ZBTB16: variants seen among roughly 807,000 people sequenced by gnomAD.
ZBTB16 encodes the protein zinc finger and BTB domain containing 16.
In ZBTB16, 8 loss-of-function variants were observed where a neutral mutation model predicts 56.8. The observed-to-expected ratio is 0.14, with a 90% CI of 0.08 to 0.25. The LOEUF (loss-of-function observed/expected upper bound fraction) is 0.25. Among genes scored for constraint, ZBTB16 ranks in the 10% least tolerant of loss-of-function variants. The pLI is 1.00. For synonymous variants in ZBTB16, 363 were observed against 368.5 expected, an observed-to-expected ratio of 0.98 and a Z score of 0.17; for missense variants, 625 against 903.0, an observed-to-expected ratio of 0.69 and a Z score of 3.95.
chr11:114,062,888 C>G (rs1042849947), intron 1 of ZBTB16, among the ~76,000 whole-genome samples: 10 of 152,238 alleles, frequency 6.6e-5, no homozygotes, highest in African/African-American at 2.4e-4. Flanking sequence ...CCCCTACTCT[C>G]AGACACAGAG....
chr11:114,122,044 AT>A (rs1391207712), intron 2 of ZBTB16: 1 of 309,206 alleles, frequency 3.2e-6, no homozygotes, highest in African/African-American at 2.2e-5. Flanking sequence ...AAAAATGGTG[AT>A]TTCTATAGCA....
intron 2 of ZBTB16, among the ~76,000 whole-genome samples, chr11:114,107,745 A>G (rs1940849987): frequency 6.6e-6 from 1 of 152,170 alleles, no homozygotes; most frequent in South Asian, 2.1e-4. Context: ...TGTTGGTAAA[A>G]ATGACCTTGG....
chr11:114,156,453 G>C lies in ZBTB16; in HGVS notation c.1366+19G>C, dbSNP rs1252981080. 1 of 1,612,614 alleles carries C rather than the reference G, an allele frequency of 6.2e-7. No homozygotes were observed. The highest frequency in any genetic ancestry group is 1.1e-5 in the South Asian group (1 of 91,044). The stretch of plus-strand genomic sequence containing the variant: ...CATTCAGGTAGGCAAGTTCGCCTTA[G>C]TGGCCCGTTCAGATACAGGCAACCA... On this transcript the variant is annotated intron_variant, in intron 3 of 6. Coordinates refer to ENST00000335953, the MANE Select transcript of ZBTB16 (RefSeq NM_006006.6).
At chr11:114,216,509 C>T (rs1944100958) in intron 4 of ZBTB16, among the ~76,000 whole-genome samples, 1 of 152,206 alleles carries the variant, frequency 6.6e-6, no homozygotes, top group South Asian at 2.1e-4. Flanking sequence ...CAAGCCCAGC[C>T]TTTGGACACT....
rs766769969 is a variant in ZBTB16, at chr11:114,253,463, G to T, written c.*2908G>T. Reference sequence around the variant, plus strand: ...AATATCCCTTTGTACATGTATGTGCGTGTGCGCGTGTGCTTTGTGTGTGTG... The same window carrying T: ...AATATCCCTTTGTACATGTATGTGCTTGTGCGCGTGTGCTTTGTGTGTGTG... On this transcript the variant is annotated 3_prime_UTR_variant, in exon 7 of 7. Coordinates refer to ENST00000335953, the MANE Select transcript of ZBTB16 (RefSeq NM_006006.6). 6.6e-6 allele frequency among the ~76,000 whole-genome samples: 1 copy of T among 152,196 alleles called. No individual in the cohort carries two copies. Among genetic ancestry groups the T allele is most frequent in the Non-Finnish European group, 1.5e-5 (1 of 68,034 alleles).
intron 3 of ZBTB16, among the ~76,000 whole-genome samples, chr11:114,160,028 T>C (rs1942542879): frequency 1.3e-5 from 2 of 150,832 alleles, no homozygotes. Flanking sequence ...CCCCCCTAAA[T>C]GTTGCTGCCC....
At chr11:114,124,570 A>C (rs238892) in intron 2 of ZBTB16, among the ~76,000 whole-genome samples, 46,342 of 146,350 alleles carry the variant, frequency 0.32, 7,577 homozygotes, top group African/African-American at 0.34. Context: ...AAAAAAAAAA[A>C]AACAAAAACA....
chr11:114,088,429 A>G (rs943395719), intron 2 of ZBTB16, among the ~76,000 whole-genome samples: 5 of 152,064 alleles, frequency 3.3e-5, no homozygotes, highest in Non-Finnish European at 7.4e-5. Flanking sequence ...GGTGTGAGTC[A>G]CTGTGCCCGG....
intron 4 of ZBTB16, among the ~76,000 whole-genome samples, chr11:114,223,165 A>G (rs542947586): frequency 9.2e-4 from 140 of 152,314 alleles, no homozygotes; most frequent in African/African-American, 3.2e-3. Context: ...TGTGTCTTCA[A>G]TTGTGAATGA....
intron 4 of ZBTB16, among the ~76,000 whole-genome samples, chr11:114,221,250 A>G (rs566352059): frequency 6.6e-6 from 1 of 152,320 alleles, no homozygotes; most frequent in Admixed American, 6.5e-5. Context: ...TTCTATGAAG[A>G]TCTTAATTAA....
rs1316858845 is a variant in ZBTB16, at chr11:114,252,010, G to C, written c.*1455G>C. Reference sequence around the variant, plus strand: ...GTTTTTATAGACTTCAGCTGGTCAAGACCCTCCCCGTGCCCCTGGAGACCA... The same window carrying C: ...GTTTTTATAGACTTCAGCTGGTCAACACCCTCCCCGTGCCCCTGGAGACCA... On this transcript the variant is annotated 3_prime_UTR_variant, in exon 7 of 7. Transcript: ENST00000335953. Among the ~76,000 whole-genome samples, 1 of 152,104 alleles carries C rather than the reference G, an allele frequency of 6.6e-6. No homozygotes were observed. The highest frequency in any genetic ancestry group is 1.5e-5 in the Non-Finnish European group (1 of 68,012).
chr11:114,100,965 C>CG (rs1565625662), intron 2 of ZBTB16, among the ~76,000 whole-genome samples: 2 of 151,612 alleles, frequency 1.3e-5, no homozygotes, highest in Non-Finnish European at 1.5e-5. Flanking sequence ...CGGGGGTCCC[C>CG]GGGGGGTTCA....
intron 2 of ZBTB16, among the ~76,000 whole-genome samples, chr11:114,095,005 T>A (rs1245116515): frequency 6.6e-6 from 1 of 152,224 alleles, no homozygotes; most frequent in East Asian, 1.9e-4. Flanking sequence ...TGGGGGCCTG[T>A]CTGCATGTTC....
At chr11:114,186,823 C>G in intron 3 of ZBTB16, 129 bp from the exon 4 acceptor site, 6 of 821,862 alleles carry the variant, frequency 7.3e-6, no homozygotes, top group Non-Finnish European at 1.2e-5. Context: ...CATGGATGAT[C>G]CCTCACTCAG....
intron 2 of ZBTB16, among the ~76,000 whole-genome samples, chr11:114,131,032 G>T (rs1941644922): frequency 6.6e-6 from 1 of 152,210 alleles, no homozygotes; most frequent in African/African-American, 2.4e-5. Flanking sequence ...TGCAGCACAC[G>T]AGGGCCGGTA....
intron 2 of ZBTB16, among the ~76,000 whole-genome samples, chr11:114,127,160 CG>C (rs1354828808): frequency 6.6e-6 from 1 of 152,202 alleles, no homozygotes; most frequent in East Asian, 1.9e-4. Context: ...TTCATCTCAG[CG>C]TGATGGTGGG....
rs779616803 is a variant in ZBTB16 at position 114,063,502 on chromosome 11, C to G, written c.202C>G (p.Gln68Glu). The change falls in exon 2 of 7, where the codon CAA (glutamine) becomes GAA (glutamate). Residue 68 changes from glutamine to glutamate, a missense_variant. Transcript: ENST00000335953. The surrounding 1 kb of genome is among the most constrained non-coding windows in gnomAD (Gnocchi z 6.5). ...MFEILFHRNS[Q>E]HYTLDFLSPK... ...TGAGATCCTCTTCCACCGCAATAGT[C>G]AACACTATACTTTGGACTTCCTCTC... 1 of 1,614,222 alleles carries G rather than the reference C, an allele frequency of 6.2e-7. No individual in the cohort carries two copies. The highest frequency in any genetic ancestry group is 2.2e-5 in the East Asian group (1 of 44,880).
chr11:114,197,290 A>C (rs1253298842), intron 4 of ZBTB16, among the ~76,000 whole-genome samples: 11 of 152,136 alleles, frequency 7.2e-5, no homozygotes, highest in Admixed American at 7.2e-4. Context: ...CAGAAACGGC[A>C]TACCTCTGGC....
At chr11:114,222,943 A>G (rs1944259646) in intron 4 of ZBTB16, among the ~76,000 whole-genome samples, 1 of 152,314 alleles carries the variant, frequency 6.6e-6, no homozygotes, top group South Asian at 2.1e-4. Context: ...GGCAGCTCAC[A>G]GCAGGCCCTG....
Sources: allele counts gnomAD v4.1 joint callset (sites outside exome capture counted in the v4.1 genomes callset), GRCh38; gene constraint gnomAD v4.1.1; non-coding constraint Gnocchi (gnomAD v3.1); transcripts MANE v1.5; gene names NCBI Gene and HGNC (gene_info 2026-07-23, HGNC 2026-07-21).